The following HACD3 variants were observed in gnomAD, a reference collection of about 807,000 sequenced individuals.
HACD3 encodes the protein 3-hydroxyacyl-CoA dehydratase 3, also known as very-long-chain (3R)-3-hydroxyacyl-CoA dehydratase 3.
Under a neutral mutation model 55.2 loss-of-function variants are expected in HACD3, and 30 were observed. The ratio of observed to expected loss-of-function variants is 0.54; its 90% CI spans 0.41 to 0.74. HACD3 has a LOEUF of 0.74. HACD3 is among the 30% of genes least tolerant of loss of function. The pLI is 0.00. For synonymous variants in HACD3, 141 were observed against 151.7 expected (o/e 0.93, Z 0.52); for missense variants, 363 against 440.1 (o/e 0.82, Z 1.57).
intron 7 of HACD3, chr15:65,564,548 C>T (rs2072273828): frequency 1.1e-5 from 6 of 570,466 alleles, no homozygotes; most frequent in South Asian, 2.5e-5. Context: ...GCACTTCTTA[C>T]GTGGTGGCGG....
rs143961521 is a variant in HACD3, at chr15:65,543,183, A to T, written c.88-8493A>T. 4.8e-3 allele frequency among the ~76,000 whole-genome samples: 732 copies of T among 152,296 alleles called. 7 individuals are homozygous for T. The highest frequency in any genetic ancestry group is 0.017 in the African/African-American group (701 of 41,572). ...CAAAATCTTACAGATAAATTAATCA[A>T]TACACATAATATTTGAACACAGTAC... On this transcript the variant is annotated intron_variant, in intron 1 of 10. Transcript: ENST00000261875.
intron 5 of HACD3, 75 bp downstream of exon 5, chr15:65,558,806 G>T: frequency 6.7e-7 from 1 of 1,487,262 alleles, no homozygotes; most frequent in Non-Finnish European, 9.2e-7. Flanking sequence ...TTGTGATGTG[G>T]CAGGAGAGCT....
At chr15:65,550,931 T>C (rs2072125997) in intron 1 of HACD3, 1 of 152,254 alleles carries the variant, frequency 6.6e-6, no homozygotes, top group Non-Finnish European at 1.5e-5. Context: ...ATTATGATGC[T>C]AAATTGAAGG....
chr15:65,532,013 GCTTT>G (rs1352843304), intron 1 of HACD3, among the ~76,000 whole-genome samples: 3 of 152,060 alleles, frequency 2.0e-5, no homozygotes, highest in African/African-American at 4.8e-5. Flanking sequence ...AAATGTAGGT[GCTTT>G]CTGAGTGTCG....
At chr15:65,558,756 G>T in intron 5 of HACD3, 25 bp downstream of exon 5, 1 of 1,587,488 alleles carries the variant, frequency 6.3e-7, no homozygotes, top group Non-Finnish European at 8.6e-7. Flanking sequence ...TGCCATGGTA[G>T]TTACCAGTTA....
intron 1 of HACD3, among the ~76,000 whole-genome samples, chr15:65,537,952 AAAAAAAATATATATATATATAT>A (rs1202926796): frequency 0.062 from 1,442 of 23,086 alleles, 82 homozygotes; most frequent in Admixed American, 0.27. Flanking sequence ...AAAAAAAAAA[AAAAAAAATATATATATATATAT>A]ATATATATAT....
At chr15:65,545,675 C>T (rs1319333152) in intron 1 of HACD3, among the ~76,000 whole-genome samples, 1 of 151,244 alleles carries the variant, frequency 6.6e-6, no homozygotes, top group Non-Finnish European at 1.5e-5. Flanking sequence ...AGGATGGCCT[C>T]TATCTCCTGA....
intron 2 of HACD3, 144 bp downstream of exon 2, chr15:65,551,862 T>A: frequency 1.2e-6 from 1 of 846,446 alleles, no homozygotes; most frequent in Non-Finnish European, 1.8e-6. Context: ...AGCTAAATTG[T>A]TTTGAAATAT....
chr15:65,574,921 T>C (rs769075333), intron 10 of HACD3, among the ~76,000 whole-genome samples: 2 of 152,186 alleles, frequency 1.3e-5, no homozygotes, highest in Non-Finnish European at 2.9e-5. Flanking sequence ...GGAATAAATA[T>C]TGGAAAGACA....
intron 1 of HACD3, among the ~76,000 whole-genome samples, chr15:65,539,484 G>A (rs1171083982): frequency 3.9e-5 from 6 of 152,118 alleles, no homozygotes; most frequent in Non-Finnish European, 8.8e-5. Flanking sequence ...GCCTCCCAAA[G>A]CGCTAGGATT....
rs776879871 is a variant in HACD3 at position 65,570,221 on chromosome 15, G to A, written c.773+18G>A. On this transcript the variant is annotated intron_variant, in intron 8 of 10. Transcript: ENST00000261875. ...ATTTTCAGGTGGGTAGAAATGCCAG[G>A]ATGGTGTTTGAATGCTGCTCCCTGT... 37 of 1,533,314 alleles carry A rather than the reference G, an allele frequency of 2.4e-5. 1 individual carries two copies. The South Asian group carries it at 3.6e-4, about 15-fold the overall frequency. The allele number at this position is 1,533,314 out of a possible 1,614,324, so 95.0% of individuals were successfully genotyped here.
At chr15:65,556,359 A>G (rs1438193285) in intron 3 of HACD3, among the ~76,000 whole-genome samples, 3 of 152,196 alleles carry the variant, frequency 2.0e-5, no homozygotes, top group African/African-American at 4.8e-5. Context: ...AGCAACCTAG[A>G]TTCCTTGCAT....
In HACD3 at chr15:65,572,370, A is replaced by G. The variant is rs778216214; in HGVS notation, c.1012+4A>G. 4.4e-6 allele frequency: 7 copies of G among 1,589,478 alleles called. No homozygotes were observed. Among genetic ancestry groups the G allele is most frequent in the Non-Finnish European group, 6.0e-6 (7 of 1,165,884 alleles). On this transcript the variant is annotated splice_donor_region_variant and intron_variant, in intron 10 of 10. Coordinates refer to ENST00000261875, the MANE Select transcript of HACD3 (RefSeq NM_016395.4). Reference sequence around the variant, plus strand: ...TATCTTATAATGATATTTTTAGGTAAGTATTGATTCTTTAATACAGACTTT... The same window carrying G: ...TATCTTATAATGATATTTTTAGGTAGGTATTGATTCTTTAATACAGACTTT...
intron 1 of HACD3, among the ~76,000 whole-genome samples, chr15:65,547,337 G>A (rs1354786023): frequency 3.9e-5 from 6 of 152,078 alleles, no homozygotes; most frequent in African/African-American, 1.4e-4. Flanking sequence ...GGCTGGTCTC[G>A]AACTCCTGAC....
At chr15:65,550,682 A>G (rs2072123532) in intron 1 of HACD3, 1 of 152,208 alleles carries the variant, frequency 6.6e-6, no homozygotes, top group Non-Finnish European at 1.5e-5. Flanking sequence ...TGTCTCTCAC[A>G]GTTTCTGTGG....
At chr15:65,543,040 C>T (rs1169763732) in intron 1 of HACD3, among the ~76,000 whole-genome samples, 3 of 140,710 alleles carry the variant, frequency 2.1e-5, no homozygotes, top group Admixed American at 7.3e-5. Context: ...TGCCACTGCA[C>T]TCCAGCCTGG....
intron 2 of HACD3, among the ~76,000 whole-genome samples, chr15:65,553,447 A>G (rs1388984266): frequency 6.6e-6 from 1 of 152,096 alleles, no homozygotes; most frequent in Non-Finnish European, 1.5e-5. Flanking sequence ...TGGGATTTCC[A>G]TTCACTGTCA....
chr15:65,569,103 C>G (rs542211130), intron 7 of HACD3, among the ~76,000 whole-genome samples: 1 of 152,060 alleles, frequency 6.6e-6, no homozygotes, highest in Non-Finnish European at 1.5e-5. Flanking sequence ...AAAAAATTAG[C>G]TGAGCGTGGT....
chr15:65,568,659 A>G (rs75902527), intron 7 of HACD3, among the ~76,000 whole-genome samples: 10,728 of 152,094 alleles, frequency 0.071, 411 homozygotes, highest in African/African-American at 0.12. Flanking sequence ...GCACCCAGCC[A>G]TTATGTGTAT....
Sources: gnomAD v4.1 joint callset for allele counts (sites outside exome capture counted in the v4.1 genomes callset) on GRCh38, gnomAD v4.1.1 for gene constraint, MANE v1.5 for transcripts, NCBI Gene and HGNC (gene_info 2026-07-23, HGNC 2026-07-21) for gene names.